Variants in NEB observed in about 807,000 individuals in gnomAD.
NEB encodes the protein nemaline myopathy type 2.
Under a neutral mutation model 952.2 loss-of-function variants are expected in NEB, and 512 were observed. The ratio of observed to expected loss-of-function variants is 0.54; its 90% confidence interval spans 0.50 to 0.58. NEB has a LOEUF of 0.58. NEB is among the 20% of genes least tolerant of loss of function. The pLI is 0.00. For synonymous variants in NEB, 2,900 were observed against 3,149.8 expected, an observed-to-expected ratio of 0.92 and a Z score of 2.66; for missense variants, 8,428 against 9,231.1, an observed-to-expected ratio of 0.91 and a Z score of 3.56.
intron 66 of NEB, 133 bp downstream of exon 66, chr2:151,631,010 G>T: frequency 2.3e-6 from 3 of 1,312,620 alleles, no homozygotes; most frequent in Non-Finnish European, 1.0e-6. Context: ...ATTATTTAGA[G>T]GATTTCAAGC....
At chr2:151,516,671 C>A in intron 156 of NEB, 108 bp from the exon 157 acceptor site, 2 of 746,866 alleles carry the variant, frequency 2.7e-6, no homozygotes, top group Non-Finnish European at 4.7e-6. Flanking sequence ...GATGGCATCT[C>A]ATTGCCACTC....
At position 151,508,074 on chromosome 2, in the gene NEB, C is replaced by T. The variant is rs770713773; in HGVS notation, c.23382G>A (p.Ser7794=). Reference sequence around the variant, plus strand: ...GGGTGTCCAAAACAGTCTCATAATACGACATGGACTTCTCAGCATCTTCCT... The same window carrying T: ...GGGTGTCCAAAACAGTCTCATAATATGACATGGACTTCTCAGCATCTTCCT... ...KYKEDAEKSM[S]YYETVLDTPE... The change falls in exon 162 of 182, where the codon TCG becomes TCA. Residue 7794 remains serine, a synonymous_variant. Coordinates refer to ENST00000397345, the MANE Select transcript of NEB (RefSeq NM_001164508.2). The T allele has an allele frequency of 1.9e-5, 30 of 1,610,008 alleles. No individual in the cohort carries two copies. The highest frequency in any genetic ancestry group is 1.6e-4 in the Middle Eastern group (1 of 6,080).
chr2:151,650,954 C>G (rs954696168), intron 52 of NEB, 69 bp from the exon 53 acceptor site: 2 of 1,398,296 alleles, frequency 1.4e-6, no homozygotes, highest in African/African-American at 2.9e-5. Context: ...GCTTTTTTTT[C>G]TTTTCTTTCT....
intron 24 of NEB, among the ~76,000 whole-genome samples, chr2:151,688,657 A>C (rs2099521732): frequency 1.3e-5 from 2 of 152,174 alleles, no homozygotes; most frequent in Admixed American, 1.3e-4. Context: ...CCCTATACAT[A>C]CCATGTTCTT....
At chr2:151,497,746 A>C (rs1382710132) in intron 170 of NEB, 28 bp from the exon 171 acceptor site, 11 of 1,556,858 alleles carry the variant, frequency 7.1e-6, no homozygotes, top group South Asian at 1.2e-5. Context: ...ATCCAGAAAA[A>C]CAACCATGAG....
chr2:151,636,191 A>T, intron 64 of NEB, 36 bp downstream of exon 64: 1 of 1,536,276 alleles, frequency 6.5e-7, no homozygotes, highest in Non-Finnish European at 8.9e-7. Flanking sequence ...GCCACATTAG[A>T]TTGATCACAT....
chr2:151,562,795 T>C lies in NEB; in HGVS notation c.18707A>G (p.Lys6236Arg). 6.4e-7 allele frequency: 1 copy of C among 1,567,264 alleles called. No homozygotes were observed. Among genetic ancestry groups the C allele is most frequent in the Non-Finnish European group, 8.7e-7 (1 of 1,153,262 alleles). Reference sequence around the variant, plus strand: ...ATTTGCTTTGGTATCCTCATAATGTTTTCTGTAGTTCAACTAATATGTTTT... The same window carrying C: ...ATTTGCTTTGGTATCCTCATAATGTCTTCTGTAGTTCAACTAATATGTTTT... ...QKMRSALNYR[K>R]HYEDTKANVH... is the part of the protein sequence containing the mutation. Residue 6236 changes from lysine to arginine, a missense_variant, in exon 120 of 182, where the codon AAA becomes AGA. Transcript: ENST00000397345.
chr2:151,525,917 T>G, intron 150 of NEB, 41 bp downstream of exon 150: 1 of 1,464,458 alleles, frequency 6.8e-7, no homozygotes. Context: ...TACAGTCAAG[T>G]GGCATTGTTG....
Position 151,538,183 on chromosome 2 carries a change from AG to A in NEB, c.20953del (p.Leu6985Ter). ...KGKYHTVKDA[L>X]DIVYHRKVTD... ...GACTTTGCGATGATAGACAATGTCT[AG>A]GGCATCTTTCACCGTGTGGTATTTC... On this transcript the variant is annotated frameshift_variant, in exon 139 of 182. Transcript: ENST00000397345. LOFTEE classifies it high-confidence loss of function. 1.9e-6 allele frequency: 3 copies of A among 1,613,234 alleles called. No individual in the cohort carries two copies. Among genetic ancestry groups the A allele is most frequent in the Non-Finnish European group, 2.5e-6 (3 of 1,179,252 alleles).
rs2095977567 is a variant in NEB, at chr2:151,560,606, G to A, written c.19300C>T (p.His6434Tyr). The A allele has an allele frequency of 6.2e-7, 1 of 1,611,240 alleles. No individual in the cohort carries two copies. Among genetic ancestry groups the A allele is most frequent in the Non-Finnish European group, 8.5e-7 (1 of 1,178,844 alleles). Reference sequence around the variant, plus strand: ...GCTTTACTTACATGGCTGGCCAGATGCTTCTGGTTCTTGGCGTGTGTCAGG... The same window carrying A: ...GCTTTACTTACATGGCTGGCCAGATACTTCTGGTTCTTGGCGTGTGTCAGG... ...LSLTHAKNQK[H>Y]LASHIKYREE... is the part of the protein sequence containing the mutation. The change falls in exon 124 of 182, where the codon CAT (histidine) becomes TAT (tyrosine). Residue 6434 changes from histidine (H) to tyrosine (Y), a missense_variant. Physicochemically the swap from His to Tyr is moderately conservative, Grantham distance 83. Transcript: ENST00000397345.
Position 151,494,219 on chromosome 2 carries a change from G to GCA in NEB, c.24520_24521insTG (p.Ala8174ValfsTer43). The GCA allele has an allele frequency of 6.2e-7, 1 of 1,606,366 alleles. No homozygotes were observed. Among genetic ancestry groups the GCA allele is most frequent in the Non-Finnish European group, 8.5e-7 (1 of 1,175,870 alleles). The stretch of plus-strand genomic sequence containing the variant: ...CTGCATCTCAGGAGTGACAGGGGTT[G>GCA]CGGTGGCTTTCCCCACATTTTCTTT... On this transcript the variant is annotated frameshift_variant, in exon 174 of 182. Transcript: ENST00000397345. LOFTEE classifies it high-confidence loss of function.
intron 78 of NEB, 107 bp from the exon 79 acceptor site, chr2:151,610,973 A>G: frequency 1.5e-6 from 1 of 671,416 alleles, no homozygotes; most frequent in Non-Finnish European, 2.5e-6. Flanking sequence ...CTCACATTTA[A>G]CTATAAAATA....
chr2:151,541,889 T>C (rs6725513), intron 135 of NEB, among the ~76,000 whole-genome samples: 98,320 of 151,962 alleles, frequency 0.65, 32,105 homozygotes, highest in East Asian at 0.78. Flanking sequence ...AATCCCCTCT[T>C]TTCACCTGCA....
Position 151,656,162 on chromosome 2 carries a change from T to C in NEB, c.6486A>G (p.Ile2162Met), listed in dbSNP as rs370994522. ...NIELTRNMNRIQSDNEYKQDY... is the reference protein window; with the variant it reads ...NIELTRNMNRMQSDNEYKQDY... ...TAGAAGAAAGCCTTACATCACTCTGTATGCGATTCATATTCCTGGTCAGCT... is the reference window on the plus strand; with the variant it reads ...TAGAAGAAAGCCTTACATCACTCTGCATGCGATTCATATTCCTGGTCAGCT... Residue 2162 changes from isoleucine to methionine, a missense_variant, in exon 49 of 182, where the codon ATA becomes ATG. Transcript: ENST00000397345. 43 of 1,591,306 alleles carry C rather than the reference T, an allele frequency of 2.7e-5. No individual in the cohort carries two copies. The African/African-American group carries it at 5.2e-4, about 19-fold the overall frequency.
intron 3 of NEB, among the ~76,000 whole-genome samples, chr2:151,729,904 C>T (rs2099801680): frequency 6.6e-6 from 1 of 152,132 alleles, no homozygotes; most frequent in South Asian, 2.1e-4. Context: ...ATGTATGAGG[C>T]TGTTTTTTAA....
chr2:151,626,826 T>G (rs1368679165), intron 70 of NEB, among the ~76,000 whole-genome samples, 176 bp downstream of exon 70: 3 of 152,224 alleles, frequency 2.0e-5, no homozygotes, highest in Non-Finnish European at 4.4e-5. Context: ...TCACAAGAGA[T>G]GTCAAAGCAG....
chr2:151,694,436 C>T lies in NEB; in HGVS notation c.1783G>A (p.Val595Met). ...TTTTCATAGTCTTTCTTGTACATCA[C>T]CTGCAAAGACATCACACATGCCAGA... ...AKANTKNTSDVMYKKDYEKNK... is the reference protein window; with the variant it reads ...AKANTKNTSDMMYKKDYEKNK... The change falls in exon 20 of 182, where the codon GTG (valine) becomes ATG (methionine). Residue 595 changes from valine to methionine, a missense_variant and splice_region_variant. Coordinates refer to ENST00000397345, the MANE Select transcript of NEB (RefSeq NM_001164508.2). The T allele has an allele frequency of 6.2e-7, 1 of 1,613,146 alleles. No homozygotes were observed.
At chr2:151,687,098 G>A (rs4484033) in intron 27 of NEB, among the ~76,000 whole-genome samples, 148,568 of 152,312 alleles carry the variant, frequency 0.98, 72,579 homozygotes, top group East Asian at 1. Flanking sequence ...TTTAAAAATT[G>A]TTTTTCAATT....
intron 47 of NEB, 137 bp downstream of exon 47, chr2:151,658,927 GA>G: frequency 1.3e-6 from 1 of 769,190 alleles, no homozygotes. Flanking sequence ...AGCAAAATTA[GA>G]AAGAGTCTCA....
Sources: allele counts gnomAD v4.1 joint callset (sites outside exome capture counted in the v4.1 genomes callset), GRCh38; gene constraint gnomAD v4.1.1; transcripts MANE v1.5; gene names NCBI Gene and HGNC (gene_info 2026-07-23, HGNC 2026-07-21).